The following AFF4 variants were observed in gnomAD, a reference collection of about 807,000 sequenced individuals.
AFF4 encodes the protein AF4/FMR2 family member 4.
In AFF4, 13 loss-of-function variants were observed where a neutral mutation model predicts 124.8. The observed-to-expected ratio is 0.10, with a 90% confidence interval of 0.07 to 0.17. The LOEUF is 0.17. Among genes scored for constraint, AFF4 ranks in the 10% least tolerant of loss-of-function variants. The pLI, the probability that AFF4 is intolerant of heterozygous loss-of-function variation, is 1.00. For synonymous variants in AFF4, 477 were observed against 496.1 expected (o/e 0.96, Z 0.51); for missense variants, 1,092 against 1,403.8 (o/e 0.78, Z 3.55).
rs759668707 is a variant in AFF4 at position 132,896,360 on chromosome 5, G to A, written c.2270C>T (p.Ser757Leu). Reference sequence around the variant, plus strand: ...CTTGCCTTTGTTGGAAACTTTTTCTGAGGCTTGTTTCTGAGCCTCTCTCGT... The same window carrying A: ...CTTGCCTTTGTTGGAAACTTTTTCTAAGGCTTGTTTCTGAGCCTCTCTCGT... ...KHTREAQKQASEKVSNKGKRK... is the reference protein window; with the variant it reads ...KHTREAQKQALEKVSNKGKRK... The change falls in exon 11 of 21, where the codon TCA (serine) becomes TTA (leucine). Residue 757 changes from serine (S) to leucine (L), a missense_variant. Transcript: ENST00000265343. 5.0e-6 allele frequency: 8 copies of A among 1,597,988 alleles called. 1 individual carries two copies. Among genetic ancestry groups the A allele is most frequent in the Non-Finnish European group, 6.8e-6 (8 of 1,176,132 alleles).
At chr5:132,954,799 G>A (rs1419326988) in intron 1 of AFF4, among the ~76,000 whole-genome samples, 2 of 151,924 alleles carry the variant, frequency 1.3e-5, no homozygotes, top group Non-Finnish European at 1.5e-5. Flanking sequence ...CGCCCGCCTC[G>A]GCCTCCCAAA....
intron 5 of AFF4, among the ~76,000 whole-genome samples, chr5:132,920,011 A>G (rs1445625813): frequency 6.6e-6 from 1 of 151,874 alleles, no homozygotes; most frequent in Admixed American, 6.6e-5. Context: ...TCTAGGAAAC[A>G]ACATAGGAGG....
chr5:132,931,147 G>A (rs747089201), intron 4 of AFF4, among the ~76,000 whole-genome samples: 7 of 151,654 alleles, frequency 4.6e-5, no homozygotes, highest in Non-Finnish European at 4.4e-5. Context: ...CGGGTGCAGT[G>A]GCTCAGGCTA....
intron 13 of AFF4, among the ~76,000 whole-genome samples, chr5:132,890,944 T>C (rs1760238725): frequency 1.3e-5 from 2 of 152,070 alleles, no homozygotes; most frequent in South Asian, 2.1e-4. Flanking sequence ...GATTTTTACC[T>C]ACGAGATAGC....
At position 132,896,955 on chromosome 5, in the gene AFF4, T is replaced by C; in HGVS notation, c.1675A>G (p.Arg559Gly). The change falls in exon 11 of 21, where the codon AGA becomes GGA. Residue 559 changes from arginine to glycine, a missense_variant. This residue lies in a region of AFF4 where 174 missense variants were observed against 205.9 expected (regional missense o/e 0.84). Transcript: ENST00000265343. Reference sequence around the variant, plus strand: ...GGTTGTTTTTTGCCTACAGTTCTTCTCTGTGTTGTGCTGTCACTCTGTGCA... The same window carrying C: ...GGTTGTTTTTTGCCTACAGTTCTTCCCTGTGTTGTGCTGTCACTCTGTGCA... Reference protein sequence around the residue: ...SPAQSDSTTQRRTVGKKQPKK... With the variant: ...SPAQSDSTTQGRTVGKKQPKK... The C allele has an allele frequency of 1.9e-6, 3 of 1,614,174 alleles. No individual in the cohort carries two copies. The highest frequency in any genetic ancestry group is 2.5e-6 in the Non-Finnish European group (3 of 1,180,028).
chr5:132,891,003 A>G (rs921021840), intron 13 of AFF4, among the ~76,000 whole-genome samples: 1 of 151,642 alleles, frequency 6.6e-6, no homozygotes, highest in African/African-American at 2.4e-5. Flanking sequence ...CAAATAAATA[A>G]ATTAATTAAT....
In AFF4 at chr5:132,887,975, C is replaced by T; in HGVS notation, c.2804G>A (p.Arg935Lys). ...AAGATAGTATACAGCTTTCTCAAAC[C>T]TATCAGACTGAAGAAAGGAGAATGC... The part of the protein sequence containing the change: ...LKHNADALSD[R>K]FEKAVYYLDA... The change falls in exon 16 of 21, where the codon AGG becomes AAG. Residue 935 changes from arginine to lysine, a missense_variant. By Grantham distance (26) the Arg-to-Lys change is conservative. Transcript: ENST00000265343. 6.2e-7 allele frequency: 1 copy of T among 1,613,354 alleles called. No homozygotes were observed. Among genetic ancestry groups the T allele is most frequent in the South Asian group, 1.1e-5 (1 of 90,960 alleles).
rs1380755176 is a variant in AFF4 at position 132,876,634 on chromosome 5, C to T, written c.*4425G>A. The T allele has an allele frequency of 1.5e-5, 3 of 200,308 alleles. No individual in the cohort carries two copies. The highest frequency in any genetic ancestry group is 6.9e-5 in the African/African-American group (3 of 43,386). 12.4% of individuals were successfully genotyped at this position (200,308 alleles called of 1,614,324 possible). A position where few individuals can be genotyped will look rare whatever the true frequency, so the allele number is the denominator to read the frequency against. On this transcript the variant is annotated 3_prime_UTR_variant, in exon 21 of 21. Transcript: ENST00000265343. ...AAAGATCTCTAAGACTTGGATTAGA[C>T]TTAACTTGAATACCTTATTCTGTGA...
chr5:132,957,019 CAAAAAAAAAAAAAA>C (rs1180577709), intron 1 of AFF4, among the ~76,000 whole-genome samples: 824 of 40,840 alleles, frequency 0.02, 24 homozygotes, highest in African/African-American at 0.059. Flanking sequence ...GACTTCGTCT[CAAAAAAAAAAAAAA>C]AAAAAAAAAA....
chr5:132,899,749 A>C (rs899770926), intron 7 of AFF4, 108 bp from the exon 8 acceptor site: 7 of 921,744 alleles, frequency 7.6e-6, no homozygotes, highest in East Asian at 5.0e-5. Context: ...GGTAGCCAAA[A>C]ATTTAACCAA....
At chr5:132,935,732 T>C (rs9327639) in intron 2 of AFF4, among the ~76,000 whole-genome samples, 30,889 of 149,728 alleles carry the variant, frequency 0.21, 3,466 homozygotes, top group African/African-American at 0.29. Flanking sequence ...GATTGCGTCA[T>C]TGCACTCCAG....
chr5:132,906,854 C>T (rs948140153), intron 5 of AFF4, among the ~76,000 whole-genome samples: 1 of 152,050 alleles, frequency 6.6e-6, no homozygotes, highest in South Asian at 2.1e-4. Flanking sequence ...AATCCCAATA[C>T]TTTGGGAGGC....
intron 5 of AFF4, among the ~76,000 whole-genome samples, chr5:132,922,974 A>C (rs1478874065): frequency 6.6e-6 from 1 of 151,780 alleles, no homozygotes; most frequent in African/African-American, 2.4e-5. Flanking sequence ...AAGGAGATTG[A>C]GACCATCCTG....
chr5:132,896,370 T>G lies in AFF4; in HGVS notation c.2260A>C (p.Lys754Gln). ...VPEKHTREAQ[K>Q]QASEKVSNKG... ...TTGGAAACTTTTTCTGAGGCTTGTT[T>G]CTGAGCCTCTCTCGTGTGCTTTTCT... Residue 754 changes from lysine (K) to glutamine (Q), a missense_variant, in exon 11 of 21, where the codon AAA becomes CAA. Lys to Gln is a moderately conservative substitution (Grantham distance 53). Around this residue, in one of 11 missense-constraint regions of AFF4, gnomAD observed 293 missense variants for 280.2 expected, o/e 1.05. Coordinates refer to ENST00000265343, the MANE Select transcript of AFF4 (RefSeq NM_014423.4). The G allele has an allele frequency of 6.2e-7, 1 of 1,607,858 alleles. No individual in the cohort carries two copies.
At chr5:132,957,353 T>A (rs148934480) in intron 1 of AFF4, among the ~76,000 whole-genome samples, 377 of 151,776 alleles carry the variant, frequency 2.5e-3, no homozygotes, top group Middle Eastern at 0.017. Context: ...AAATAATAAT[T>A]ATTATTATTA....
intron 3 of AFF4, among the ~76,000 whole-genome samples, chr5:132,933,320 CT>C (rs1394111786): frequency 6.6e-6 from 1 of 151,640 alleles, no homozygotes; most frequent in East Asian, 1.9e-4. Context: ...TCGCTTGAAC[CT>C]GGGAGGTAGA....
Position 132,880,880 on chromosome 5 carries a change from T to C in AFF4, c.*179A>G, listed in dbSNP as rs1193119968. The C allele has an allele frequency of 3.4e-6, 2 of 593,962 alleles. No individual in the cohort carries two copies. Among genetic ancestry groups the C allele is most frequent in the African/African-American group, 1.9e-5 (1 of 51,880 alleles). 36.8% of individuals were successfully genotyped at this position (593,962 alleles called of 1,614,324 possible). On this transcript the variant is annotated 3_prime_UTR_variant, in exon 21 of 21. Transcript: ENST00000265343. ...TTTAAATAATCTTTCACATTGGAAA[T>C]ATTAAAGGGCCAACTGACATGATCG...
At chr5:132,920,865 C>A (rs78954305) in intron 5 of AFF4, among the ~76,000 whole-genome samples, 5 of 152,076 alleles carry the variant, frequency 3.3e-5, no homozygotes, top group Non-Finnish European at 1.5e-5. Flanking sequence ...CAGTGGCTCA[C>A]GCCTATAATC....
At chr5:132,921,641 ATT>A (rs1476545944) in intron 5 of AFF4, among the ~76,000 whole-genome samples, 1 of 142,120 alleles carries the variant, frequency 7.0e-6, no homozygotes, top group Non-Finnish European at 1.5e-5. Context: ...CTAATTTTGT[ATT>A]TTTTGTAGAG....
Sources: gnomAD v4.1 joint callset for allele counts (sites outside exome capture counted in the v4.1 genomes callset) on GRCh38, gnomAD v4.1.1 for gene constraint, gnomAD v4.1.1 regional missense constraint, MANE v1.5 for transcripts, NCBI Gene and HGNC (gene_info 2026-07-23, HGNC 2026-07-21) for gene names.